Variants in FOXN3 observed in about 807,000 individuals in gnomAD.
FOXN3 encodes forkhead box N3.
A neutral mutation model predicts 38.4 loss-of-function variants in FOXN3; 7 were observed. That is an observed-to-expected ratio of 0.18 (90% CI 0.10 to 0.34). FOXN3 has a LOEUF of 0.34. Ranked by LOEUF, FOXN3 falls within the 10% of genes least tolerant of loss-of-function variation. The pLI is 1.00. For missense variants in FOXN3, 456 were observed against 613.4 expected (o/e 0.74, Z 2.71); for synonymous variants, 230 against 242.2 (o/e 0.95, Z 0.47).
chr14:89,197,805 C>T (rs1888136585), intron 4 of FOXN3, among the ~76,000 whole-genome samples: 1 of 152,184 alleles, frequency 6.6e-6, no homozygotes, highest in Admixed American at 6.5e-5. Context: ...AGGAATCTGT[C>T]AGGGAATTCT....
chr14:89,480,397 C>T (rs1893302150), intron 1 of FOXN3, among the ~76,000 whole-genome samples: 1 of 139,272 alleles, frequency 7.2e-6, no homozygotes, highest in African/African-American at 2.7e-5. Context: ...GAGCAAAACT[C>T]TATCTCAAAA....
intron 1 of FOXN3, among the ~76,000 whole-genome samples, chr14:89,480,434 A>G (rs952177212): frequency 4.6e-5 from 7 of 152,102 alleles, no homozygotes; most frequent in African/African-American, 1.7e-4. Flanking sequence ...AGAACATCAC[A>G]GGAAACCATG....
chr14:89,329,190 G>T (rs1888165361), intron 3 of FOXN3, among the ~76,000 whole-genome samples: 1 of 152,170 alleles, frequency 6.6e-6, no homozygotes, highest in Non-Finnish European at 1.5e-5. Flanking sequence ...TAGTACATGG[G>T]TAACAGATTC....
intron 1 of FOXN3, among the ~76,000 whole-genome samples, chr14:89,494,373 CAAATGATGTACT>C: frequency 6.6e-6 from 1 of 152,256 alleles, no homozygotes; most frequent in African/African-American, 2.4e-5. Flanking sequence ...TTAGCATTAT[CAAATGATGTACT>C]AAATACATAT....
intron 1 of FOXN3, among the ~76,000 whole-genome samples, chr14:89,450,807 G>T (rs982147778): frequency 6.6e-6 from 1 of 152,006 alleles, no homozygotes; most frequent in African/African-American, 2.4e-5. Context: ...GGATGGTCTC[G>T]ATCTCCTGAT....
At chr14:89,505,822 G>T (rs1005150177) in intron 1 of FOXN3, among the ~76,000 whole-genome samples, 1 of 151,740 alleles carries the variant, frequency 6.6e-6, no homozygotes, top group Non-Finnish European at 1.5e-5. Context: ...TCCCATCTAG[G>T]AAGTGAGGAG....
chr14:89,429,363 G>A (rs2140112448), intron 1 of FOXN3, among the ~76,000 whole-genome samples: 1 of 152,236 alleles, frequency 6.6e-6, no homozygotes, highest in Non-Finnish European at 1.5e-5. Flanking sequence ...AAAACGCCTG[G>A]CACCATGTGG....
At chr14:89,323,378 G>A (rs962589988) in intron 3 of FOXN3, among the ~76,000 whole-genome samples, 1 of 151,842 alleles carries the variant, frequency 6.6e-6, no homozygotes, top group African/African-American at 2.4e-5. Flanking sequence ...AGGTGTCTTT[G>A]AGAAGGTGAC....
At chr14:89,542,689 T>C (rs1894814773) in intron 1 of FOXN3, among the ~76,000 whole-genome samples, 1 of 152,198 alleles carries the variant, frequency 6.6e-6, no homozygotes, top group African/African-American at 2.4e-5. Flanking sequence ...CTGAAGTGTA[T>C]TAAGGAGATT....
At chr14:89,510,805 G>T (rs1894040975) in intron 1 of FOXN3, among the ~76,000 whole-genome samples, 1 of 152,174 alleles carries the variant, frequency 6.6e-6, no homozygotes, top group Non-Finnish European at 1.5e-5. Context: ...AGCCAAGCGT[G>T]GTGGTGTGCG....
chr14:89,399,024 C>T (rs17125841), intron 2 of FOXN3, among the ~76,000 whole-genome samples: 25,622 of 152,192 alleles, frequency 0.17, 2,809 homozygotes, highest in East Asian at 0.33. Flanking sequence ...TTCAAATGAT[C>T]AAAGGCTTTC....
In FOXN3 at chr14:89,164,584, C is replaced by T. The variant is rs1259370582; in HGVS notation, c.852-1615G>A. On this transcript the variant is annotated intron_variant, in intron 5 of 5. Transcript: ENST00000557258. This position sits in a 1 kb window ranked among gnomAD's most constrained non-coding sequence, Gnocchi z 4.3. ...ACAGGGTGTGGTTACTGCTAGGCCCCCAGTGGCTATCGCCGTGTCAGCACG... is the reference window on the plus strand; with the variant it reads ...ACAGGGTGTGGTTACTGCTAGGCCCTCAGTGGCTATCGCCGTGTCAGCACG... 6.6e-6 allele frequency among the ~76,000 whole-genome samples: 1 copy of T among 152,194 alleles called. No homozygotes were observed. Among genetic ancestry groups the T allele is most frequent in the East Asian group, 1.9e-4 (1 of 5,184 alleles).
Position 89,484,793 on chromosome 14 carries a change from C to G in FOXN3, c.-14-72303G>C, listed in dbSNP as rs1200510080. Among the ~76,000 whole-genome samples the G allele has an allele frequency of 6.6e-6, 1 of 152,116 alleles. No homozygotes were observed. The highest frequency in any genetic ancestry group is 1.5e-5 in the Non-Finnish European group (1 of 68,024). ...CAGATGGTGTGTGGCCAGGGAGGAC[C>G]CAACAGGCAGTGAGCGGGGTCTCCA... On this transcript the variant is annotated intron_variant, in intron 1 of 6. Transcript: ENST00000345097. This position sits in a 1 kb window ranked among gnomAD's most constrained non-coding sequence, Gnocchi z 4.0.
intron 1 of FOXN3, among the ~76,000 whole-genome samples, chr14:89,433,138 T>C: frequency 6.6e-6 from 1 of 151,898 alleles, no homozygotes; most frequent in East Asian, 1.9e-4. Context: ...TCACCTGAGG[T>C]CAGGAGTTTG....
In FOXN3 at chr14:89,297,404, A is replaced by G. The variant is rs929600431; in HGVS notation, c.681-16390T>C. ...GGTGAAACCCTCTACTAAAAATACA[A>G]AAAAAATTAGCCGGGCGTGGTGGCG... On this transcript the variant is annotated intron_variant, in intron 3 of 5. Transcript: ENST00000557258. Among the ~76,000 whole-genome samples the G allele has an allele frequency of 2.0e-5, 3 of 151,826 alleles. No individual in the cohort carries two copies. In the East Asian group the frequency reaches 5.8e-4, roughly 29 times the overall value.
rs750901107 is a variant in FOXN3, at chr14:89,280,930, G to A, written c.745+20C>T. 4.4e-6 allele frequency: 7 copies of A among 1,606,772 alleles called. No homozygotes were observed. The highest frequency in any genetic ancestry group is 2.2e-5 in the East Asian group (1 of 44,800). On this transcript the variant is annotated intron_variant, in intron 4 of 5. Coordinates refer to ENST00000557258, the MANE Select transcript of FOXN3 (RefSeq NM_005197.4). ...GTGGGTGAGGGGGAGGGAGAGGAAG[G>A]GGTGTTACTAGGGACCTACCTTGGA...
chr14:89,413,917 A>AG (rs1891617665), intron 1 of FOXN3, among the ~76,000 whole-genome samples: 1 of 114,748 alleles, frequency 8.7e-6, no homozygotes, highest in Admixed American at 1.0e-4. Context: ...AAGGGGAGGA[A>AG]GGAGGAAGAA....
intron 1 of FOXN3, among the ~76,000 whole-genome samples, chr14:89,462,329 G>A (rs1342028283): frequency 1.3e-5 from 2 of 152,174 alleles, no homozygotes; most frequent in South Asian, 2.1e-4. Context: ...ACCTCACCAG[G>A]AGCATATCAT....
chr14:89,429,725 C>T lies in FOXN3; in HGVS notation c.-14-17235G>A, dbSNP rs533639794. On this transcript the variant is annotated intron_variant, in intron 1 of 6. Coordinates refer to the FOXN3 transcript ENST00000345097. ...ACTGCCAAACTGTCATTTTGCTCCG[C>T]GGCTGAACAGAAGGCTCGAGTAATG... 5.9e-5 allele frequency among the ~76,000 whole-genome samples: 9 copies of T among 152,230 alleles called. No homozygotes were observed. In the South Asian group the frequency reaches 1.0e-3, roughly 18 times the overall value.
Sources: allele counts gnomAD v4.1 joint callset (sites outside exome capture counted in the v4.1 genomes callset), GRCh38; gene constraint gnomAD v4.1.1; non-coding constraint Gnocchi (gnomAD v3.1); transcripts MANE v1.5; gene names NCBI Gene and HGNC (gene_info 2026-07-23, HGNC 2026-07-21).